GOLGB1: variants seen among roughly 807,000 people sequenced by gnomAD.
The protein encoded by GOLGB1 is golgin B1.
In GOLGB1, 174 loss-of-function variants were observed where a neutral mutation model predicts 336.9. The observed-to-expected ratio is 0.52, with a 90% confidence interval of 0.46 to 0.59. GOLGB1 has a LOEUF of 0.59. Ranked by LOEUF, GOLGB1 falls within the 20% of genes least tolerant of loss-of-function variation. The pLI, the probability that GOLGB1 is intolerant of heterozygous loss-of-function variation, is 0.00. For missense variants in GOLGB1, 3,331 were observed against 3,645.3 expected, an observed-to-expected ratio of 0.91 and a Z score of 2.22; for synonymous variants, 1,208 against 1,289.2, an observed-to-expected ratio of 0.94 and a Z score of 1.35.
chr3:121,705,779 G>A (rs1422995012), intron 10 of GOLGB1, among the ~76,000 whole-genome samples: 1 of 152,220 alleles, frequency 6.6e-6, no homozygotes, highest in Non-Finnish European at 1.5e-5. Flanking sequence ...CCTATCTGAA[G>A]AGATTAAAGA....
chr3:121,734,392 GAAAA>G (rs34906801), intron 1 of GOLGB1, among the ~76,000 whole-genome samples: 4 of 107,254 alleles, frequency 3.7e-5, no homozygotes, highest in Admixed American at 1.2e-4. Flanking sequence ...TCTGTCTCGG[GAAAA>G]AAAAAAAAAA....
In GOLGB1 at chr3:121,729,925, C is replaced by T; in HGVS notation, c.189G>A (p.Glu63=). 1 of 1,610,786 alleles carries T rather than the reference C, an allele frequency of 6.2e-7. No homozygotes were observed. Among genetic ancestry groups the T allele is most frequent in the Non-Finnish European group, 8.5e-7 (1 of 1,177,018 alleles). Residue 63 remains glutamate (E), a synonymous_variant, in exon 3 of 22, where the codon GAG becomes GAA. Coordinates refer to ENST00000614479, the MANE Select transcript of GOLGB1 (RefSeq NM_001366282.2). The part of the protein sequence containing the change: ...RLAYAEQLVV[E]LKDIIRQKDV... ...CCTTCTGTCTAATAATATCTTTTAG[C>T]TCCACCACCAATTGCTCTGCATAAG...
In GOLGB1 at chr3:121,698,738, A is replaced by G; in HGVS notation, c.1785T>C (p.His595=). The G allele has an allele frequency of 6.2e-7, 1 of 1,613,622 alleles. No homozygotes were observed. The highest frequency in any genetic ancestry group is 8.5e-7 in the Non-Finnish European group (1 of 1,179,646). The stretch of plus-strand genomic sequence containing the variant: ...TCATTTCTTTCTGGTCAAGGACCTC[A>G]TGATCTGCTTCCTCAGCCCTTTTTC... ...LQGKRAEEAD[H]EVLDQKEMKQ... Residue 595 remains histidine (H), a synonymous_variant, in exon 13 of 22, where the codon CAT becomes CAC. Coordinates refer to ENST00000614479, the MANE Select transcript of GOLGB1 (RefSeq NM_001366282.2).
intron 14 of GOLGB1, among the ~76,000 whole-genome samples, chr3:121,683,053 A>ATTT (rs746649684): frequency 2.3e-4 from 19 of 82,496 alleles, no homozygotes; most frequent in Non-Finnish European, 3.4e-4. Flanking sequence ...ATTTCTTTTA[A>ATTT]TTTTTTTTTT....
rs7643293 is a variant in GOLGB1 at position 121,730,765 on chromosome 3, G to A, written c.96+111C>T. On this transcript the variant is annotated intron_variant, in intron 2 of 21. Transcript: ENST00000614479. Reference sequence around the variant, plus strand: ...AATTTCAATATTTTTCTTAATCCTCGCTTCACCTAGTACCAGGGAGGCTTC... The same window carrying A: ...AATTTCAATATTTTTCTTAATCCTCACTTCACCTAGTACCAGGGAGGCTTC... The A allele has an allele frequency of 2.7e-3, 2,700 of 986,352 alleles. 43 individuals carry two copies. In the African/African-American group the frequency reaches 0.041, roughly 15 times the overall value. 61.1% of individuals were successfully genotyped at this position (986,352 alleles called of 1,614,324 possible).
chr3:121,740,160 A>AACCT (rs1319978534), intron 1 of GOLGB1, among the ~76,000 whole-genome samples: 1 of 152,202 alleles, frequency 6.6e-6, no homozygotes, highest in African/African-American at 2.4e-5. Flanking sequence ...TGGATACAGG[A>AACCT]ACCTACACAG....
intron 5 of GOLGB1, among the ~76,000 whole-genome samples, chr3:121,726,405 G>A (rs1393830562): frequency 8.1e-6 from 1 of 124,198 alleles, no homozygotes; most frequent in Non-Finnish European, 1.6e-5. Flanking sequence ...CTCCACTCCA[G>A]CCTGGCCAAC....
Position 121,682,010 on chromosome 3 carries a change from T to C in GOLGB1, c.8695-145A>G, listed in dbSNP as rs563295780. The C allele has an allele frequency of 2.2e-5, 14 of 628,278 alleles. No homozygotes were observed. The African/African-American group carries it at 2.6e-4, about 12-fold the overall frequency. The allele number at this position is 628,278 out of a possible 1,614,324, so 38.9% of individuals were successfully genotyped here. A position where few individuals can be genotyped will look rare whatever the true frequency, so the allele number is the denominator to read the frequency against. On this transcript the variant is annotated intron_variant, in intron 14 of 21. Coordinates refer to ENST00000614479, the MANE Select transcript of GOLGB1 (RefSeq NM_001366282.2). The stretch of plus-strand genomic sequence containing the variant: ...CCACTGATGACATATCACTGCAACA[T>C]AAGTCTCTAAAGTAGTGAAATACAT...
At chr3:121,724,146 G>A (rs927407350) in intron 5 of GOLGB1, among the ~76,000 whole-genome samples, 11 of 152,138 alleles carry the variant, frequency 7.2e-5, no homozygotes, top group Non-Finnish European at 4.4e-5. Flanking sequence ...TGGGTAATGG[G>A]CAGAGGCTGG....
At chr3:121,736,701 G>A (rs1196307503) in intron 1 of GOLGB1, among the ~76,000 whole-genome samples, 1 of 152,060 alleles carries the variant, frequency 6.6e-6, no homozygotes, top group Non-Finnish European at 1.5e-5. Context: ...TCAGTAGTTC[G>A]AGACCAGCCT....
chr3:121,694,325 T>C lies in GOLGB1; in HGVS notation c.6198A>G (p.Glu2066=). 3 of 1,611,646 alleles carry C rather than the reference T, an allele frequency of 1.9e-6. No individual in the cohort carries two copies. The highest frequency in any genetic ancestry group is 1.3e-5 in the African/African-American group (1 of 74,944). The change falls in exon 13 of 22, where the codon GAA becomes GAG. Residue 2066 remains glutamate, a synonymous_variant. Transcript: ENST00000614479. ...ESQKDLEITK[E]NLAQAVEHRK... is the part of the protein sequence containing the mutation. ...GGTGTTCAACTGCTTGAGCCAGATTTTCTTTGGTTATTTCCAAATCTTTTT... is the reference window on the plus strand; with the variant it reads ...GGTGTTCAACTGCTTGAGCCAGATTCTCTTTGGTTATTTCCAAATCTTTTT...
intron 19 of GOLGB1, 112 bp downstream of exon 19, chr3:121,667,949 T>C (rs1337237875): frequency 1.3e-5 from 8 of 602,400 alleles, no homozygotes; most frequent in African/African-American, 1.1e-4. Flanking sequence ...GTGAGGCTAA[T>C]AAGATAACAA....
intron 10 of GOLGB1, among the ~76,000 whole-genome samples, chr3:121,710,733 T>C (rs1422947914): frequency 6.6e-6 from 1 of 152,186 alleles, no homozygotes; most frequent in East Asian, 1.9e-4. Flanking sequence ...GGCATGTGCC[T>C]GTAGTCCCAA....
chr3:121,667,200 C>A (rs1938746423), intron 20 of GOLGB1, among the ~76,000 whole-genome samples: 1 of 152,108 alleles, frequency 6.6e-6, no homozygotes, highest in Non-Finnish European at 1.5e-5. Flanking sequence ...CAACACCTAC[C>A]TCATATAGTT....
chr3:121,718,871 C>G (rs1944973561), intron 7 of GOLGB1, among the ~76,000 whole-genome samples: 1 of 152,140 alleles, frequency 6.6e-6, no homozygotes, highest in Non-Finnish European at 1.5e-5. Flanking sequence ...TCTCTGCAGG[C>G]AAGAATCATT....
chr3:121,669,325 G>C lies in GOLGB1; in HGVS notation c.9208C>G (p.Leu3070Val). 6.2e-7 allele frequency: 1 copy of C among 1,613,986 alleles called. No individual in the cohort carries two copies. The highest frequency in any genetic ancestry group is 8.5e-7 in the Non-Finnish European group (1 of 1,179,856). ...FSQLLEEKNT[L>V]SIQLCDTSQS... ...CTGGTATCGCAGAGCTGAATGGAAAGGGTGTTTTTCTCTTCCAGTAGCTGA... is the reference window on the plus strand; with the variant it reads ...CTGGTATCGCAGAGCTGAATGGAAACGGTGTTTTTCTCTTCCAGTAGCTGA... Residue 3070 changes from leucine to valine, a missense_variant, in exon 18 of 22, where the codon CTT becomes GTT. Leu to Val is a conservative substitution (Grantham distance 32, BLOSUM62 1). Transcript: ENST00000614479.
intron 14 of GOLGB1, among the ~76,000 whole-genome samples, chr3:121,688,410 G>A (rs985519608): frequency 3.3e-5 from 5 of 152,260 alleles, no homozygotes; most frequent in Non-Finnish European, 7.3e-5. Flanking sequence ...CTGGTCTCCA[G>A]CTCCTAACCG....
chr3:121,720,345 T>C (rs1378962864), intron 6 of GOLGB1, among the ~76,000 whole-genome samples: 1 of 152,240 alleles, frequency 6.6e-6, no homozygotes, highest in East Asian at 1.9e-4. Context: ...CAGCTGTCAT[T>C]ACTTGCAGCC....
In GOLGB1 at chr3:121,694,322, A is replaced by G. The variant is rs777063540; in HGVS notation, c.6201T>C (p.Asn2067=). ...SQKDLEITKE[N]LAQAVEHRKK... ...TGCGGTGTTCAACTGCTTGAGCCAG[A>G]TTTTCTTTGGTTATTTCCAAATCTT... The change falls in exon 13 of 22, where the codon AAT becomes AAC. Residue 2067 remains asparagine (N), a synonymous_variant. Transcript: ENST00000614479. The G allele has an allele frequency of 1.2e-6, 2 of 1,611,034 alleles. No individual in the cohort carries two copies. The highest frequency in any genetic ancestry group is 3.3e-5 in the Admixed American group (2 of 59,752).
Sources: allele counts gnomAD v4.1 joint callset (sites outside exome capture counted in the v4.1 genomes callset), GRCh38; gene constraint gnomAD v4.1.1; transcripts MANE v1.5; gene names NCBI Gene and HGNC (gene_info 2026-07-23, HGNC 2026-07-21).